Variants in SPATA1 observed in about 807,000 individuals in gnomAD.
The protein encoded by SPATA1 is spermatogenesis associated 1.
In SPATA1, 57 loss-of-function variants were observed where a neutral mutation model predicts 59.6. That is an observed-to-expected ratio of 0.96 (90% CI 0.77 to 1.19). The LOEUF (loss-of-function observed/expected upper bound fraction) is 1.19, where lower values mean the gene tolerates loss of function less well. Among genes scored for constraint, SPATA1 ranks in the 50% most tolerant of loss-of-function variants. SPATA1 has a pLI of 0.00. For synonymous variants in SPATA1, 147 were observed against 163.9 expected (o/e 0.90, Z 0.79); for missense variants, 448 against 480.7 (o/e 0.93, Z 0.64).
At chr1:84,532,838 T>C (rs997977110) in intron 6 of SPATA1, 22 bp from the exon 7 acceptor site, 23 of 1,465,364 alleles carry the variant, frequency 1.6e-5, no homozygotes, top group Non-Finnish European at 2.1e-5. Flanking sequence ...CTTTATTTGC[T>C]GTGGATGACC....
At chr1:84,511,675 C>CTT (rs1682560932) in intron 1 of SPATA1, among the ~76,000 whole-genome samples, 7 of 71,046 alleles carry the variant, frequency 9.9e-5, no homozygotes, top group Admixed American at 2.8e-4. Flanking sequence ...TTTTTTCTTT[C>CTT]TTTCTTTTTT....
intron 1 of SPATA1, among the ~76,000 whole-genome samples, chr1:84,508,466 T>C (rs11163987): frequency 0.19 from 29,228 of 152,164 alleles, 4,331 homozygotes; most frequent in African/African-American, 0.41. Context: ...AGATGCTCAC[T>C]GTTCAGTTGG....
intron 12 of SPATA1, chr1:84,552,992 G>C (rs1684323432): frequency 1.6e-6 from 2 of 1,230,470 alleles, no homozygotes; most frequent in Admixed American, 5.4e-5. Flanking sequence ...ACTTTTAGAA[G>C]GGTATGATGA....
chr1:84,522,513 TTTTC>T lies in SPATA1; in HGVS notation c.261+10_261+13del. 7.0e-7 allele frequency: 1 copy of T among 1,427,844 alleles called. No homozygotes were observed. The highest frequency in any genetic ancestry group is 9.5e-7 in the Non-Finnish European group (1 of 1,055,528). 88.4% of individuals were successfully genotyped at this position (1,427,844 alleles called of 1,614,324 possible). A position where few individuals can be genotyped will look rare whatever the true frequency, so the allele number is the denominator to read the frequency against. On this transcript the variant is annotated splice_region_variant and intron_variant, in intron 4 of 12. Transcript: ENST00000490879. ...TTGGAAATAATTTAGCTGTGGTAAG[TTTTC>T]TTTTTTTTTCTTTCTGATTGAGAAA... is the stretch of plus-strand genomic sequence containing the variant.
chr1:84,563,790 A>C lies in SPATA1; in HGVS notation n.443-2071A>C, dbSNP rs536596919. ...ACCATACCAAGGAACACCCATTACA[A>C]GTTTCTTAGGATTAATGCTCATCTT... is the stretch of plus-strand genomic sequence containing the variant. On this transcript the variant is annotated intron_variant and non_coding_transcript_variant, in intron 4 of 4. Transcript: ENST00000460286. 3 of 1,609,308 alleles carry C rather than the reference A, an allele frequency of 1.9e-6. No individual in the cohort carries two copies. In the South Asian group the frequency reaches 3.3e-5, roughly 18 times the overall value.
Position 84,553,062 on chromosome 1 carries a change from C to T in SPATA1, c.1252C>T (p.Arg418Ter), listed in dbSNP as rs980883204. 95 of 1,525,506 alleles carry T rather than the reference C, an allele frequency of 6.2e-5. No homozygotes were observed. Among genetic ancestry groups the T allele is most frequent in the Middle Eastern group, 1.7e-4 (1 of 5,924 alleles). 94.5% of individuals were successfully genotyped at this position (1,525,506 alleles called of 1,614,324 possible). The change falls in exon 13 of 13, where the codon CGA becomes TGA. Residue 418 changes from arginine (R) to a stop codon, truncating the protein, a stop_gained. Transcript: ENST00000490879. LOFTEE classifies it low-confidence loss of function (END_TRUNC). ...GAGAAAACAAGCAGTTTCAGATTTA[C>T]GAACATTGAAAACTGAACTGGCACA...
chr1:84,559,603 C>T (rs755120151), intron 4 of SPATA1, among the ~76,000 whole-genome samples: 6 of 151,856 alleles, frequency 4.0e-5, no homozygotes, highest in Admixed American at 6.6e-5. Context: ...GCCTGGGTGA[C>T]GGAGCGATAC....
intron 4 of SPATA1, among the ~76,000 whole-genome samples, chr1:84,524,307 AAAT>A (rs1683136366): frequency 6.6e-6 from 1 of 152,302 alleles, no homozygotes; most frequent in Non-Finnish European, 1.5e-5. Flanking sequence ...ACATGAAAGG[AAAT>A]AGTGGAGAGC....
chr1:84,542,388 C>G (rs1190333238), intron 8 of SPATA1, among the ~76,000 whole-genome samples: 2 of 152,128 alleles, frequency 1.3e-5, no homozygotes, highest in Non-Finnish European at 2.9e-5. Flanking sequence ...GACATCTCTC[C>G]CTTTCAAAGC....
chr1:84,541,010 C>T (rs1373136966), intron 8 of SPATA1, among the ~76,000 whole-genome samples: 2 of 152,184 alleles, frequency 1.3e-5, no homozygotes, highest in African/African-American at 4.8e-5. Flanking sequence ...AAATCCTTGG[C>T]TTATTTCCCT....
intron 4 of SPATA1, among the ~76,000 whole-genome samples, chr1:84,564,188 A>G (rs1030959255): frequency 5.3e-5 from 8 of 152,336 alleles, no homozygotes; most frequent in Admixed American, 4.6e-4. Context: ...AAGTTTCAAA[A>G]AAGTTTTATA....
At chr1:84,525,490 T>C (rs1485527464) in intron 4 of SPATA1, among the ~76,000 whole-genome samples, 4 of 152,198 alleles carry the variant, frequency 2.6e-5, no homozygotes, top group Non-Finnish European at 4.4e-5. Flanking sequence ...ATAGTTATTA[T>C]TAATAAATGA....
At chr1:84,532,791 A>C in intron 6 of SPATA1, 69 bp from the exon 7 acceptor site, 1 of 1,118,406 alleles carries the variant, frequency 8.9e-7, no homozygotes, top group Non-Finnish European at 1.3e-6. Flanking sequence ...ATGTATAAAA[A>C]CAAACGTTTA....
At chr1:84,542,276 G>A (rs1213335363) in intron 8 of SPATA1, among the ~76,000 whole-genome samples, 1 of 152,092 alleles carries the variant, frequency 6.6e-6, no homozygotes, top group Non-Finnish European at 1.5e-5. Context: ...GCCTTTTGGG[G>A]AAATGGGTAT....
intron 6 of SPATA1, among the ~76,000 whole-genome samples, chr1:84,529,391 A>G (rs1382837169): frequency 6.6e-6 from 1 of 152,052 alleles, no homozygotes; most frequent in East Asian, 1.9e-4. Context: ...TCCTGAATAA[A>G]TATTTGTTGA....
intron 6 of SPATA1, 75 bp downstream of exon 6, chr1:84,526,148 C>A: frequency 8.4e-7 from 1 of 1,191,638 alleles, no homozygotes; most frequent in Non-Finnish European, 1.2e-6. Flanking sequence ...GTAAGCAAAC[C>A]CTGAGCAAAC....
intron 4 of SPATA1, chr1:84,563,978 C>A: frequency 1.2e-5 from 10 of 843,166 alleles, no homozygotes; most frequent in Non-Finnish European, 1.6e-5. Flanking sequence ...TATAAAACAT[C>A]CCTTAAGAAC....
At chr1:84,520,561 C>A in intron 2 of SPATA1, 24 bp from the exon 3 acceptor site, 3 of 1,333,052 alleles carry the variant, frequency 2.3e-6, no homozygotes, top group South Asian at 2.9e-5. Context: ...ATATTTTAAC[C>A]GATGTTCTTC....
chr1:84,507,996 T>C (rs1043759209), intron 1 of SPATA1, among the ~76,000 whole-genome samples: 1 of 152,122 alleles, frequency 6.6e-6, no homozygotes, highest in Non-Finnish European at 1.5e-5. Context: ...AAATAAAACA[T>C]TGAGGCCTGG....
Sources: allele counts gnomAD v4.1 joint callset (sites outside exome capture counted in the v4.1 genomes callset), GRCh38; gene constraint gnomAD v4.1.1; transcripts MANE v1.5; gene names NCBI Gene and HGNC (gene_info 2026-07-23, HGNC 2026-07-21).